SFSWAP: variants seen among roughly 807,000 people sequenced by gnomAD.
SFSWAP encodes the protein splicing factor, suppressor of white-apricot homolog.
A neutral mutation model predicts 100.7 loss-of-function variants in SFSWAP; 17 were observed. The observed-to-expected ratio is 0.17, with a 90% CI of 0.12 to 0.25. The LOEUF (loss-of-function observed/expected upper bound fraction) is 0.25, where lower values mean the gene tolerates loss of function less well. SFSWAP is among the 10% of genes least tolerant of loss of function. The probability of loss-of-function intolerance (pLI) is 1.00; values close to 1 mark genes in which losing one functional copy is unlikely to be tolerated. For missense variants in SFSWAP, 1,005 were observed against 1,262.6 expected, an observed-to-expected ratio of 0.80 and a Z score of 3.09; for synonymous variants, 504 against 510.1, an observed-to-expected ratio of 0.99 and a Z score of 0.16.
intron 15 of SFSWAP, among the ~76,000 whole-genome samples, chr12:131,793,874 C>T (rs1421373840): frequency 6.6e-6 from 1 of 151,946 alleles, no homozygotes; most frequent in African/African-American, 2.4e-5. Context: ...CAGGACTAGA[C>T]GGGGGTCACC....
chr12:131,780,687 T>TA (rs141562951), intron 14 of SFSWAP, among the ~76,000 whole-genome samples: 2,423 of 152,254 alleles, frequency 0.016, 68 homozygotes, highest in African/African-American at 0.052. Flanking sequence ...ATGATTAAAA[T>TA]AAAAAATTTC....
intron 11 of SFSWAP, chr12:131,757,182 G>T (rs1044139022): frequency 6.5e-6 from 1 of 153,252 alleles, no homozygotes; most frequent in African/African-American, 2.4e-5. Context: ...CAGGAACCTC[G>T]TGGAGCAGCA....
In SFSWAP at chr12:131,772,263, G is replaced by A. The variant is rs906229323; in HGVS notation, c.2143-5802G>A. Among the ~76,000 whole-genome samples, 10 of 152,224 alleles carry A rather than the reference G, an allele frequency of 6.6e-5. No individual in the cohort carries two copies. In the East Asian group the frequency reaches 1.4e-3, roughly 21 times the overall value. ...ACGTGCTGAATTCCCATTTGTACTC[G>A]ATCTTTCTGCATCCATGTTCCTGTT... On this transcript the variant is annotated intron_variant, in intron 13 of 17. Coordinates refer to ENST00000261674, the MANE Select transcript of SFSWAP (RefSeq NM_004592.4).
chr12:131,765,641 C>A (rs989993397), intron 12 of SFSWAP, among the ~76,000 whole-genome samples: 2 of 151,762 alleles, frequency 1.3e-5, no homozygotes. Flanking sequence ...AGAGCAAAAA[C>A]TCCGTCTCAA....
At chr12:131,789,485 G>A (rs895638464) in intron 15 of SFSWAP, among the ~76,000 whole-genome samples, 1 of 152,116 alleles carries the variant, frequency 6.6e-6, no homozygotes, top group Non-Finnish European at 1.5e-5. Context: ...GATCGTGCCT[G>A]TGAATAGCCA....
At chr12:131,735,148 C>T (rs901269902) in intron 7 of SFSWAP, among the ~76,000 whole-genome samples, 2 of 152,190 alleles carry the variant, frequency 1.3e-5, no homozygotes, top group African/African-American at 4.8e-5. Flanking sequence ...ACAAGGGAAA[C>T]TTGGAAATGA....
intron 4 of SFSWAP, among the ~76,000 whole-genome samples, chr12:131,723,041 T>G (rs1878627869): frequency 6.6e-6 from 1 of 152,202 alleles, no homozygotes; most frequent in African/African-American, 2.4e-5. Flanking sequence ...TGCCCTAAGT[T>G]ACATGTGTGA....
At chr12:131,768,200 C>T (rs548588708) in intron 13 of SFSWAP, among the ~76,000 whole-genome samples, 8 of 152,340 alleles carry the variant, frequency 5.3e-5, no homozygotes, top group Admixed American at 2.0e-4. Context: ...GATTGTCCAC[C>T]GATGGTGTCC....
chr12:131,773,227 G>A (rs1883756040), intron 13 of SFSWAP, among the ~76,000 whole-genome samples: 1 of 152,176 alleles, frequency 6.6e-6, no homozygotes, highest in African/African-American at 2.4e-5. Context: ...TTCCTAGTGT[G>A]TGTTCGTAAT....
In SFSWAP at chr12:131,753,212, A is replaced by G. The variant is rs749612773; in HGVS notation, c.1171A>G (p.Thr391Ala). The part of the protein sequence containing the change: ...APPPPGIDVT[T>A]YYSTLPAGVT... ...GCCCCCTCCCGGAATCGACGTGACT[A>G]CTTACTACAGCACCCTTCCTGCTGG... Residue 391 changes from threonine to alanine, a missense_variant, in exon 8 of 18, where the codon ACT (threonine) becomes GCT (alanine). By Grantham distance (58) the Thr-to-Ala change is moderately conservative. Around this residue, in one of 7 missense-constraint regions of SFSWAP, gnomAD observed 311 missense variants for 317.8 expected, o/e 0.98. Coordinates refer to ENST00000261674, the MANE Select transcript of SFSWAP (RefSeq NM_004592.4). The G allele has an allele frequency of 1.2e-6, 2 of 1,614,132 alleles. No individual in the cohort carries two copies. The highest frequency in any genetic ancestry group is 1.3e-5 in the African/African-American group (1 of 75,026).
At chr12:131,740,970 T>C (rs1328286227) in intron 7 of SFSWAP, among the ~76,000 whole-genome samples, 3 of 124,010 alleles carry the variant, frequency 2.4e-5, no homozygotes, top group African/African-American at 8.6e-5. Flanking sequence ...TTTTTTCTTT[T>C]TTTTTTTTTT....
intron 3 of SFSWAP, among the ~76,000 whole-genome samples, chr12:131,718,633 T>C (rs761634011): frequency 2.0e-5 from 3 of 152,244 alleles, no homozygotes; most frequent in Non-Finnish European, 2.9e-5. Context: ...TTGATAGTTA[T>C]GCCCAGGTGG....
chr12:131,746,153 A>G (rs1566023086), intron 7 of SFSWAP, among the ~76,000 whole-genome samples: 2 of 152,340 alleles, frequency 1.3e-5, no homozygotes, highest in South Asian at 2.1e-4. Context: ...TCAGGTGAGT[A>G]TTGGGAACAT....
chr12:131,733,093 C>T lies in SFSWAP; in HGVS notation c.1081+4665C>T, dbSNP rs556112076. 5.9e-5 allele frequency among the ~76,000 whole-genome samples: 9 copies of T among 152,262 alleles called. No individual in the cohort carries two copies. The East Asian group carries it at 1.2e-3, about 20-fold the overall frequency. On this transcript the variant is annotated intron_variant, in intron 7 of 17. Transcript: ENST00000261674. This position sits in a 1 kb window ranked among gnomAD's most constrained non-coding sequence, Gnocchi z 5.1. ...ACAATGAAACCAGAGCCCTGTGGCC[C>T]GCGTTTCAGACCACTGCCAACCATG...
Position 131,714,074 on chromosome 12 carries a change from T to C in SFSWAP, c.222T>C (p.Tyr74=), listed in dbSNP as rs1323358784. 4 of 1,613,004 alleles carry C rather than the reference T, an allele frequency of 2.5e-6. No homozygotes were observed. The highest frequency in any genetic ancestry group is 2.5e-6 in the Non-Finnish European group (3 of 1,179,540). The change falls in exon 2 of 18, where the codon TAT becomes TAC. Residue 74 remains tyrosine (Y), a synonymous_variant. Coordinates refer to ENST00000261674, the MANE Select transcript of SFSWAP (RefSeq NM_004592.4). This position sits in a 1 kb window ranked among gnomAD's most constrained non-coding sequence, Gnocchi z 6.0. ...MGDHKILIDR[Y]DGRGHLHDLS... ...GACCAGCTTGTTCACATTACAGATA[T>C]GATGGACGTGGTCACCTGCATGACC... is the stretch of plus-strand genomic sequence containing the variant.
At chr12:131,755,572 G>A (rs1882080669) in intron 10 of SFSWAP, 93 bp downstream of exon 10, 2 of 832,324 alleles carry the variant, frequency 2.4e-6, no homozygotes, top group Non-Finnish European at 4.0e-6. Context: ...TCCTACAGGT[G>A]AAAGGGCTGG....
chr12:131,745,261 T>C (rs2136213528), intron 7 of SFSWAP, among the ~76,000 whole-genome samples: 1 of 152,362 alleles, frequency 6.6e-6, no homozygotes, highest in Admixed American at 6.5e-5. Flanking sequence ...GAGATTTATG[T>C]TATAGAGAGC....
chr12:131,736,751 G>A (rs115910238), intron 7 of SFSWAP, among the ~76,000 whole-genome samples: 1,902 of 152,268 alleles, frequency 0.012, 46 homozygotes, highest in African/African-American at 0.042. Flanking sequence ...TTTCTAGGCT[G>A]TTGGAATGTT....
intron 7 of SFSWAP, among the ~76,000 whole-genome samples, chr12:131,738,882 A>ATTTTTTTTTTTTTTTTTTTTTTTTT (rs1555243205): frequency 5.0e-5 from 2 of 40,184 alleles, no homozygotes; most frequent in Non-Finnish European, 7.6e-5. Context: ...AATGAACATT[A>ATTTTTTTTTTTTTTTTTTTTTTTTT]TTCTTTTTTT....
Sources: allele counts gnomAD v4.1 joint callset (sites outside exome capture counted in the v4.1 genomes callset), GRCh38; gene constraint gnomAD v4.1.1; regional missense constraint gnomAD v4.1.1; non-coding constraint Gnocchi (gnomAD v3.1); transcripts MANE v1.5; gene names NCBI Gene and HGNC (gene_info 2026-07-23, HGNC 2026-07-21).